DENND2D: variants seen among roughly 807,000 people sequenced by gnomAD.
DENND2D encodes DENN domain containing 2D.
A neutral mutation model predicts 59.8 loss-of-function variants in DENND2D; 37 were observed. The observed-to-expected ratio is 0.62, with a 90% confidence interval of 0.48 to 0.81. The LOEUF (loss-of-function observed/expected upper bound fraction) is 0.81, where lower values mean the gene tolerates loss of function less well. Ranked by LOEUF, DENND2D falls within the 40% of genes least tolerant of loss-of-function variation. The pLI is 0.00. For missense variants in DENND2D, 525 were observed against 579.7 expected (o/e 0.91, Z 0.97); for synonymous variants, 219 against 211.3 (o/e 1.04, Z -0.31).
In DENND2D at chr1:111,188,195, A is replaced by C. The variant is rs1197303840; in HGVS notation, c.1275T>G (p.Phe425Leu). Residue 425 changes from phenylalanine to leucine, a missense_variant, in exon 11 of 12, where the codon TTT (phenylalanine) becomes TTG (leucine). By Grantham distance (22) the Phe-to-Leu change is conservative. This residue lies in a region of DENND2D where 225 missense variants were observed against 252.4 expected (regional missense o/e 0.89). Transcript: ENST00000357640. ...AAAGTGAGAAGAGCTGTGTCTTCAC[A>C]AACTTCTTCACAAATCGGCGGTTGG... is the stretch of plus-strand genomic sequence containing the variant. ...SKTNRRFVKKFVKTQLFSLFI... is the reference protein window; with the variant it reads ...SKTNRRFVKKLVKTQLFSLFI... 6.2e-7 allele frequency: 1 copy of C among 1,614,044 alleles called. No individual in the cohort carries two copies. The highest frequency in any genetic ancestry group is 2.2e-5 in the East Asian group (1 of 44,902).
intron 6 of DENND2D, chr1:111,195,593 G>A (rs1355359209): frequency 3.2e-6 from 1 of 309,114 alleles, no homozygotes; most frequent in Non-Finnish European, 6.2e-6. Context: ...AAGGAGAGTG[G>A]AAGGGGGGTA....
intron 8 of DENND2D, among the ~76,000 whole-genome samples, chr1:111,189,693 G>A (rs763672563): frequency 2.7e-4 from 41 of 152,320 alleles, no homozygotes; most frequent in Admixed American, 4.6e-4. Context: ...CAAAGAAGCT[G>A]CCCGAGGTCA....
intron 5 of DENND2D, 37 bp from the exon 6 acceptor site, chr1:111,196,093 G>C (rs760700719): frequency 6.3e-7 from 1 of 1,574,912 alleles, no homozygotes; most frequent in Non-Finnish European, 8.6e-7. Flanking sequence ...ACGGCTCAAA[G>C]GGACACTACC....
In DENND2D at chr1:111,186,544, A is replaced by G. The variant is rs1239662418; in HGVS notation, c.*1061T>C. On this transcript the variant is annotated 3_prime_UTR_variant, in exon 12 of 12. Transcript: ENST00000357640. ...AAAAGGTAGAATTTTTGAAGATAAG[A>G]TTCTTCTAAAAAAGCTTCCCAATGC... Among the ~76,000 whole-genome samples the G allele has an allele frequency of 6.6e-6, 1 of 152,226 alleles. No individual in the cohort carries two copies. The highest frequency in any genetic ancestry group is 1.9e-4 in the East Asian group (1 of 5,202).
chr1:111,196,191 T>G, intron 5 of DENND2D, 135 bp from the exon 6 acceptor site: 145 of 1,054,078 alleles, frequency 1.4e-4, no homozygotes, highest in Non-Finnish European at 1.7e-4. Context: ...TCTAGGGCCC[T>G]CCACGAACTG....
intron 4 of DENND2D, 154 bp downstream of exon 4, chr1:111,197,766 G>A: frequency 6.9e-7 from 1 of 1,446,566 alleles, no homozygotes; most frequent in South Asian, 1.4e-5. Flanking sequence ...GGGCTGCAGA[G>A]GGAGCACTAG....
chr1:111,204,245 G>A, upstream of DENND2D: 1 of 1,442,582 alleles, frequency 6.9e-7, no homozygotes, highest in Non-Finnish European at 9.1e-7. Context: ...CCTAGCCCCG[G>A]CTCCCCGGTG....
chr1:111,200,007 C>G, intron 1 of DENND2D: 1 of 646,678 alleles, frequency 1.5e-6, no homozygotes, highest in East Asian at 2.8e-5. Context: ...CATGGGGAGC[C>G]AAGCAGAGGA....
chr1:111,190,825 G>T (rs531604983), intron 8 of DENND2D, among the ~76,000 whole-genome samples: 1 of 152,202 alleles, frequency 6.6e-6, no homozygotes, highest in African/African-American at 2.4e-5. Flanking sequence ...GGGGAGAAAA[G>T]TTGAACTAGT....
rs185755542 is a variant in DENND2D, at chr1:111,187,015, G to A, written c.*590C>T. 8.5e-4 allele frequency among the ~76,000 whole-genome samples: 129 copies of A among 152,044 alleles called. No homozygotes were observed. Among genetic ancestry groups the A allele is most frequent in the Admixed American group, 5.4e-3 (83 of 15,276 alleles). On this transcript the variant is annotated 3_prime_UTR_variant, in exon 12 of 12. Transcript: ENST00000357640. ...TTTTACCAGTATCTCTTACCCTTCC[G>A]GTTAGAAGAAGTAGAGCTGCTGCCC...
intron 6 of DENND2D, chr1:111,195,540 G>A: frequency 8.9e-6 from 2 of 225,406 alleles, no homozygotes; most frequent in Non-Finnish European, 9.0e-6. Flanking sequence ...TGGATGATAA[G>A]AAATGGACAG....
chr1:111,192,518 T>C (rs1000107183), intron 7 of DENND2D, among the ~76,000 whole-genome samples: 1 of 152,132 alleles, frequency 6.6e-6, no homozygotes, highest in Non-Finnish European at 1.5e-5. Context: ...AGTCTGAGGC[T>C]TCACTATCAA....
intron 8 of DENND2D, among the ~76,000 whole-genome samples, chr1:111,189,504 G>A (rs957706756): frequency 6.6e-6 from 1 of 152,144 alleles, no homozygotes; most frequent in African/African-American, 2.4e-5. Flanking sequence ...AAGGTAGAAG[G>A]GAAATACAAG....
At chr1:111,203,991 A>G (rs1407442444), upstream of DENND2D, among the ~76,000 whole-genome samples, 3 of 152,116 alleles carry the variant, frequency 2.0e-5, no homozygotes, top group Non-Finnish European at 4.4e-5. Flanking sequence ...CTGCGGTTGC[A>G]CCACAAGCTT....
chr1:111,192,328 G>A lies in DENND2D; in HGVS notation c.795-11C>T, dbSNP rs1269671631. The A allele has an allele frequency of 1.3e-6, 2 of 1,574,398 alleles. No individual in the cohort carries two copies. The highest frequency in any genetic ancestry group is 2.3e-5 in the South Asian group (2 of 86,010). On this transcript the variant is annotated splice_polypyrimidine_tract_variant and intron_variant, in intron 7 of 11. Transcript: ENST00000357640. The stretch of plus-strand genomic sequence containing the variant: ...CACTGAGACAAGGTGCTGGGACAGA[G>A]CACAGAGGATGAGAGTCAGGGGGCC...
At position 111,192,231 on chromosome 1, in the gene DENND2D, C is replaced by T; in HGVS notation, c.881G>A (p.Ser294Asn). The T allele has an allele frequency of 6.2e-7, 1 of 1,614,006 alleles. No homozygotes were observed. Among genetic ancestry groups the T allele is most frequent in the Non-Finnish European group, 8.5e-7 (1 of 1,179,946 alleles). ...GGGGCAGCAGACGGTGGCCAGAAGGCTCTCAGGGACAACAGGGATGTAGGT... is the reference window on the plus strand; with the variant it reads ...GGGGCAGCAGACGGTGGCCAGAAGGTTCTCAGGGACAACAGGGATGTAGGT... ...AHTYIPVVPE[S>N]LLATVCCPTP... The change falls in exon 8 of 12, where the codon AGC becomes AAC. Residue 294 changes from serine (S) to asparagine (N), a missense_variant. Coordinates refer to ENST00000357640, the MANE Select transcript of DENND2D (RefSeq NM_024901.5).
Position 111,198,095 on chromosome 1 carries a change from T to G in DENND2D, c.357-106A>C. 3.7e-5 allele frequency: 40 copies of G among 1,079,014 alleles called. 2 individuals are homozygous for G. The South Asian group carries it at 5.5e-4, about 15-fold the overall frequency. 66.8% of individuals were successfully genotyped at this position (1,079,014 alleles called of 1,614,324 possible). On this transcript the variant is annotated intron_variant, in intron 3 of 11. Transcript: ENST00000357640. ...GAGGAGGGCAAAGGGGAGTTGCTGATTAATCACAGGAGTAAGGGCTCACTG... is the reference window on the plus strand; with the variant it reads ...GAGGAGGGCAAAGGGGAGTTGCTGAGTAATCACAGGAGTAAGGGCTCACTG...
chr1:111,197,313 T>C (rs1233357205), intron 4 of DENND2D, 60 bp from the exon 5 acceptor site: 27 of 1,571,072 alleles, frequency 1.7e-5, no homozygotes, highest in East Asian at 6.9e-5. Flanking sequence ...TTCTCCCAAC[T>C]GGGTATGAAG....
intron 6 of DENND2D, chr1:111,195,521 A>C: frequency 5.1e-6 from 1 of 197,838 alleles, no homozygotes; most frequent in Non-Finnish European, 1.1e-5. Flanking sequence ...GGAGACTCGG[A>C]GGTGGGGATG....
Sources: gnomAD v4.1 joint callset for allele counts (sites outside exome capture counted in the v4.1 genomes callset) on GRCh38, gnomAD v4.1.1 for gene constraint, gnomAD v4.1.1 regional missense constraint, MANE v1.5 for transcripts, NCBI Gene and HGNC (gene_info 2026-07-23, HGNC 2026-07-21) for gene names.